Variants in SYNE3 observed in about 807,000 individuals in gnomAD.
The protein encoded by SYNE3 is spectrin repeat containing nuclear envelope family member 3.
A neutral mutation model predicts 111.2 loss-of-function variants in SYNE3; 100 were observed. That is an observed-to-expected ratio of 0.90 (90% CI 0.77 to 1.06). The LOEUF (loss-of-function observed/expected upper bound fraction) is 1.06, where lower values mean the gene tolerates loss of function less well. Among genes scored for constraint, SYNE3 ranks in the 50% least tolerant of loss-of-function variants. The pLI is 0.00. For synonymous variants in SYNE3, 547 were observed against 533.9 expected (o/e 1.02, Z -0.34); for missense variants, 1,160 against 1,240.3 (o/e 0.94, Z 0.97).
At position 95,485,422 on chromosome 14, in the gene SYNE3, C is replaced by T. The variant is rs1889492288; in HGVS notation, c.-14-9587G>A. Among the ~76,000 whole-genome samples, 1 of 152,120 alleles carries T rather than the reference C, an allele frequency of 6.6e-6. No homozygotes were observed. Among genetic ancestry groups the T allele is most frequent in the South Asian group, 2.1e-4 (1 of 4,816 alleles). ...TTAATCAATAGACCTGAGGCATTCA[C>T]TTGAGAGTGAGAACGCACACATTCC... On this transcript the variant is annotated intron_variant, in intron 1 of 17. Transcript: ENST00000682763. This position sits in a 1 kb window ranked among gnomAD's most constrained non-coding sequence, Gnocchi z 4.3.
chr14:95,505,118 C>T (rs1330064608), intron 1 of SYNE3, among the ~76,000 whole-genome samples: 1 of 152,252 alleles, frequency 6.6e-6, no homozygotes, highest in Admixed American at 6.5e-5. Context: ...CCCGCCATGG[C>T]TTGGTTCGCC....
At chr14:95,466,343 C>A in intron 3 of SYNE3, 103 bp from the exon 4 acceptor site, 1 of 1,371,876 alleles carries the variant, frequency 7.3e-7, no homozygotes, top group Non-Finnish European at 9.7e-7. Context: ...GGGCTGTGGT[C>A]TGGGGGCATG....
At chr14:95,443,358 G>T (rs1369317460) in intron 10 of SYNE3, 69 bp from the exon 11 acceptor site, 3 of 1,583,048 alleles carry the variant, frequency 1.9e-6, no homozygotes, top group Admixed American at 3.5e-5. Flanking sequence ...GCCGATCAGG[G>T]CAGAGCCTCT....
intron 1 of SYNE3, among the ~76,000 whole-genome samples, chr14:95,502,277 C>T (rs556000126): frequency 6.8e-6 from 1 of 147,862 alleles, no homozygotes; most frequent in South Asian, 2.3e-4. Context: ...CCACCCCCAC[C>T]CCCACCTTCC....
chr14:95,436,980 G>T lies in SYNE3; in HGVS notation c.2378C>A (p.Ala793Glu). The T allele has an allele frequency of 1.2e-6, 2 of 1,613,958 alleles. No individual in the cohort carries two copies. Among genetic ancestry groups the T allele is most frequent in the Non-Finnish European group, 1.7e-6 (2 of 1,179,964 alleles). Residue 793 changes from alanine (A) to glutamate (E), a missense_variant and splice_region_variant, in exon 15 of 18, where the codon GCA (alanine) becomes GAA (glutamate). Coordinates refer to ENST00000682763, the MANE Select transcript of SYNE3 (RefSeq NM_152592.6). Reference protein sequence around the residue: ...MDPIPRHRRRANLLQEEEGSH... With the variant: ...MDPIPRHRRRENLLQEEEGSH... ...CCCTTCTTCTTCCTGTAGAAGATTT[G>T]CCTGTAGGATCACACACGGCCAAAG... is the stretch of plus-strand genomic sequence containing the variant.
At chr14:95,444,702 C>A in intron 9 of SYNE3, 74 bp from the exon 10 acceptor site, 1 of 1,470,264 alleles carries the variant, frequency 6.8e-7, no homozygotes, top group South Asian at 1.4e-5. Flanking sequence ...CCGACCCGTT[C>A]AGCCAGGCTG....
intron 15 of SYNE3, among the ~76,000 whole-genome samples, chr14:95,434,218 A>G (rs1885956736): frequency 6.6e-6 from 1 of 152,262 alleles, no homozygotes; most frequent in South Asian, 2.1e-4. Flanking sequence ...TAAAGGCATA[A>G]AAGTATTAAC....
chr14:95,455,642 G>C lies in SYNE3; in HGVS notation c.872C>G (p.Ser291Cys). Residue 291 changes from serine (S) to cysteine (C), a missense_variant, in exon 6 of 18, where the codon TCT (serine) becomes TGT (cysteine). Transcript: ENST00000682763. ...EQSAGVIRNT[S>C]PLGAEKITGE... ...GGTGATCTTCTCTGCACCCAAAGGA[G>C]AGGTGTTCCGAATGACACCCGCAGA... is the stretch of plus-strand genomic sequence containing the variant. The C allele has an allele frequency of 6.2e-7, 1 of 1,614,216 alleles. No individual in the cohort carries two copies. Among genetic ancestry groups the C allele is most frequent in the Non-Finnish European group, 8.5e-7 (1 of 1,180,038 alleles).
chr14:95,455,423 T>C lies in SYNE3; in HGVS notation c.1091A>G (p.Lys364Arg). 6.4e-7 allele frequency: 1 copy of C among 1,573,492 alleles called. No homozygotes were observed. ...CACCAGCTCGTCCTCGGTCCCCGCT[T>C]TCGCCGCAGGCTGCAGGCCCTCCTG... ...LAQEGLQPAA[K>R]AGTEDELVAH... Residue 364 changes from lysine to arginine, a missense_variant, in exon 6 of 18, where the codon AAA becomes AGA. Transcript: ENST00000682763.
chr14:95,468,808 T>C lies in SYNE3; in HGVS notation c.145-841A>G, dbSNP rs114116930. The stretch of plus-strand genomic sequence containing the variant: ...CAGCTTCTTGGAGGACTAAGACCAA[T>C]GCATGATGTCCAGCAAATAGTAAGT... On this transcript the variant is annotated intron_variant, in intron 2 of 17. Coordinates refer to ENST00000682763, the MANE Select transcript of SYNE3 (RefSeq NM_152592.6). 9.0e-3 allele frequency among the ~76,000 whole-genome samples: 1,365 copies of C among 152,306 alleles called. 20 individuals carry two copies. Among genetic ancestry groups the C allele is most frequent in the African/African-American group, 0.031 (1,305 of 41,560 alleles).
rs183542799 is a variant in SYNE3 at position 95,433,823 on chromosome 14, T to G, written c.2539-414A>C. On this transcript the variant is annotated intron_variant, in intron 15 of 17. Transcript: ENST00000682763. The stretch of plus-strand genomic sequence containing the variant: ...CAGGAAATAGAAGTACTGTGTTCCC[T>G]TGGGATGGAAACTTTTATTCTCAGG... Among the ~76,000 whole-genome samples the G allele has an allele frequency of 1.3e-3, 199 of 152,286 alleles. 1 individual carries two copies. Among genetic ancestry groups the G allele is most frequent in the Admixed American group, 7.6e-3 (116 of 15,294 alleles).
intron 6 of SYNE3, among the ~76,000 whole-genome samples, chr14:95,454,919 C>A (rs1887316057): frequency 6.6e-6 from 1 of 152,144 alleles, no homozygotes; most frequent in South Asian, 2.1e-4. Flanking sequence ...GGAAGCACCC[C>A]CCACCACCGT....
chr14:95,455,025 C>T (rs992562730), intron 6 of SYNE3, among the ~76,000 whole-genome samples: 5 of 152,088 alleles, frequency 3.3e-5, no homozygotes, highest in African/African-American at 9.7e-5. Context: ...CCCTGTTCCA[C>T]GCAGAGGAAG....
chr14:95,424,525 G>A (rs1372764593), intron 17 of SYNE3, among the ~76,000 whole-genome samples: 1 of 152,206 alleles, frequency 6.6e-6, no homozygotes, highest in African/African-American at 2.4e-5. Flanking sequence ...AGCAATGGTA[G>A]CAACTTCACA....
chr14:95,445,841 G>A, intron 9 of SYNE3, 68 bp downstream of exon 9: 2 of 1,549,302 alleles, frequency 1.3e-6, no homozygotes, highest in Admixed American at 3.4e-5. Context: ...AAGGCCATCT[G>A]CCTCCCCAGT....
At position 95,407,888 on chromosome 14, in the gene SYNE3, C is replaced by T. The variant is rs1302858907; in HGVS notation, c.*9938G>A. The T allele has an allele frequency of 1.3e-5, 2 of 152,090 alleles. No homozygotes were observed. Among genetic ancestry groups the T allele is most frequent in the Admixed American group, 1.3e-4 (2 of 15,260 alleles). 9.4% of individuals were successfully genotyped at this position (152,090 alleles called of 1,614,324 possible). On this transcript the variant is annotated 3_prime_UTR_variant, in exon 18 of 18. Transcript: ENST00000682763. ...GTATCAGGTTAGTGTAACCAGGTCT[C>T]CAGGTACAAAGGATGAAGTGGGTTT... is the stretch of plus-strand genomic sequence containing the variant.
At chr14:95,430,078 T>G in intron 17 of SYNE3, 1 of 631,814 alleles carries the variant, frequency 1.6e-6, no homozygotes, top group Non-Finnish European at 2.0e-6. Context: ...ACACATTAAT[T>G]ACAGGTTGTA....
intron 2 of SYNE3, 96 bp from the exon 3 acceptor site, chr14:95,468,063 G>A (rs369028340): frequency 1.2e-4 from 168 of 1,380,946 alleles, no homozygotes; most frequent in Middle Eastern, 7.8e-4. Flanking sequence ...GCCAGGACTC[G>A]AAGGCCAGAG....
chr14:95,432,395 C>G (rs1298438221), intron 16 of SYNE3, among the ~76,000 whole-genome samples: 1 of 152,112 alleles, frequency 6.6e-6, no homozygotes, highest in African/African-American at 2.4e-5. Flanking sequence ...CACCTAGTGG[C>G]CGTCTCGGCT....
Sources: gnomAD v4.1 joint callset for allele counts (sites outside exome capture counted in the v4.1 genomes callset) on GRCh38, gnomAD v4.1.1 for gene constraint, Gnocchi (gnomAD v3.1) non-coding constraint, MANE v1.5 for transcripts, NCBI Gene and HGNC (gene_info 2026-07-23, HGNC 2026-07-21) for gene names.